Variants in TSPAN15 observed in about 807,000 individuals in gnomAD.
The protein encoded by TSPAN15 is tetraspanin 15, also known as tetraspanin-15.
In TSPAN15, 20 loss-of-function variants were observed where a neutral mutation model predicts 34.5. That is an observed-to-expected ratio of 0.58 (90% CI 0.41 to 0.84). The LOEUF is 0.84. Among genes scored for constraint, TSPAN15 ranks in the 40% least tolerant of loss-of-function variants. TSPAN15 has a pLI of 0.00. For synonymous variants in TSPAN15, 155 were observed against 153.9 expected (o/e 1.01, Z -0.05); for missense variants, 313 against 386.1 (o/e 0.81, Z 1.59).
At chr10:69,455,606 T>TTCTTTCTTTCTTTCTTTC (rs1446715664) in intron 1 of TSPAN15, among the ~76,000 whole-genome samples, 1 of 110,964 alleles carries the variant, frequency 9.0e-6, no homozygotes, top group African/African-American at 3.6e-5. Flanking sequence ...CTTTCTTTCT[T>TTCTTTCTTTCTTTCTTTC]TCTCTCTCTC....
the TSPAN15 span, among the ~76,000 whole-genome samples, chr10:69,518,608 G>A: frequency 6.6e-6 from 1 of 152,180 alleles, no homozygotes; most frequent in Non-Finnish European, 1.5e-5. Flanking sequence ...ATTTTTGGTA[G>A]AGATGAGGTT....
the TSPAN15 span, among the ~76,000 whole-genome samples, chr10:69,541,433 G>A: frequency 8.5e-5 from 13 of 152,140 alleles, no homozygotes. Flanking sequence ...GGAGAAATTG[G>A]CCAAAACAAA....
the TSPAN15 span, among the ~76,000 whole-genome samples, chr10:69,543,255 G>A: frequency 2.0e-5 from 3 of 151,962 alleles, no homozygotes; most frequent in African/African-American, 7.3e-5. Flanking sequence ...ATTCCAAAGG[G>A]GGGTAAGACA....
At chr10:69,540,508 A>G in the TSPAN15 span, among the ~76,000 whole-genome samples, 1 of 152,042 alleles carries the variant, frequency 6.6e-6, no homozygotes. Flanking sequence ...GAAGGCTTCT[A>G]TTTTTTTCTC....
chr10:69,515,765 C>T, the TSPAN15 span, among the ~76,000 whole-genome samples: 2 of 152,176 alleles, frequency 1.3e-5, no homozygotes, highest in East Asian at 1.9e-4. Flanking sequence ...AAGGCACAAA[C>T]GTTCCCAGCA....
the TSPAN15 span, among the ~76,000 whole-genome samples, chr10:69,532,288 G>A: frequency 6.6e-6 from 1 of 152,164 alleles, no homozygotes; most frequent in East Asian, 1.9e-4. Context: ...TATACTATAA[G>A]GCCGTAGTCA....
At chr10:69,461,901 CAT>C (rs1841266448) in intron 1 of TSPAN15, among the ~76,000 whole-genome samples, 2 of 151,958 alleles carry the variant, frequency 1.3e-5, no homozygotes, top group African/African-American at 4.8e-5. Flanking sequence ...CACAAGAACA[CAT>C]GTCCACCACC....
At chr10:69,520,955 C>T in the TSPAN15 span, among the ~76,000 whole-genome samples, 3 of 150,986 alleles carry the variant, frequency 2.0e-5, no homozygotes, top group Non-Finnish European at 4.4e-5. Flanking sequence ...CCTAAGAATT[C>T]CAGTTTCTCC....
intron 1 of TSPAN15, among the ~76,000 whole-genome samples, chr10:69,464,975 AC>A (rs1841352281): frequency 6.6e-6 from 1 of 152,116 alleles, no homozygotes; most frequent in South Asian, 2.1e-4. Context: ...GGCTGGGGGA[AC>A]CCTGTTCATG....
intron 1 of TSPAN15, among the ~76,000 whole-genome samples, chr10:69,480,143 A>G (rs187706367): frequency 6.6e-6 from 1 of 152,102 alleles, no homozygotes; most frequent in Admixed American, 6.6e-5. Context: ...GACTGCCTTT[A>G]TGGAGAGGGC....
intron 1 of TSPAN15, among the ~76,000 whole-genome samples, chr10:69,458,830 C>T (rs570719311): frequency 4.5e-4 from 68 of 152,276 alleles, no homozygotes; most frequent in African/African-American, 1.2e-3. Context: ...TACATGGTCT[C>T]GTTCCCCGCT....
chr10:69,494,693 C>T (rs906782709), intron 3 of TSPAN15: 41 of 985,286 alleles, frequency 4.2e-5, no homozygotes, highest in Admixed American at 6.1e-5. Context: ...GTTGTCCCAG[C>T]GTACGCTGTG....
chr10:69,515,878 T>C, the TSPAN15 span, among the ~76,000 whole-genome samples: 4 of 152,212 alleles, frequency 2.6e-5, no homozygotes, highest in African/African-American at 9.6e-5. Flanking sequence ...CTCCACTCCC[T>C]AGAGCCTGGG....
chr10:69,479,614 A>G (rs905115252), intron 1 of TSPAN15, among the ~76,000 whole-genome samples: 1 of 152,224 alleles, frequency 6.6e-6, no homozygotes, highest in African/African-American at 2.4e-5. Context: ...CCGGCTGCCT[A>G]GTGGAAGGCT....
At chr10:69,496,849 G>C (rs992401827) in intron 4 of TSPAN15, among the ~76,000 whole-genome samples, 5 of 152,232 alleles carry the variant, frequency 3.3e-5, no homozygotes, top group Non-Finnish European at 7.3e-5. Context: ...TGGGAGAGCT[G>C]ACTTCTGCTC....
chr10:69,526,786 C>CAAAAAAA, the TSPAN15 span, among the ~76,000 whole-genome samples: 3 of 60,992 alleles, frequency 4.9e-5, no homozygotes, highest in Non-Finnish European at 5.9e-5. Context: ...GACCCTGTCT[C>CAAAAAAA]AAAAAAAAAA....
At chr10:69,530,814 CTCTCTCTATATATATATATATATATATA>C in the TSPAN15 span, among the ~76,000 whole-genome samples, 4 of 61,368 alleles carry the variant, frequency 6.5e-5, no homozygotes, top group African/African-American at 2.5e-4. Flanking sequence ...CTCTCTCTCT[CTCTCTCTATATATATATATATATATATA>C]TATATATATA....
downstream of TSPAN15, among the ~76,000 whole-genome samples, chr10:69,511,308 G>T (rs186946634): frequency 1.3e-5 from 2 of 152,144 alleles, no homozygotes; most frequent in African/African-American, 4.8e-5. Flanking sequence ...GTCTTGTGGG[G>T]GTGTATGTGT....
chr10:69,457,080 G>A (rs1009601958), intron 1 of TSPAN15, among the ~76,000 whole-genome samples: 1 of 152,128 alleles, frequency 6.6e-6, no homozygotes, highest in African/African-American at 2.4e-5. Context: ...TGACACATGC[G>A]CCCTCAGCCC....
Sources: gnomAD v4.1 joint callset for allele counts (sites outside exome capture counted in the v4.1 genomes callset) on GRCh38, gnomAD v4.1.1 for gene constraint, MANE v1.5 for transcripts, NCBI Gene and HGNC (gene_info 2026-07-23, HGNC 2026-07-21) for gene names.